CADM2: variants seen among roughly 807,000 people sequenced by gnomAD.
CADM2 encodes the protein cell adhesion molecule 2, also known as immunoglobulin superfamily member 4D.
In CADM2, 12 loss-of-function variants were observed where a neutral mutation model predicts 49.8. That is an observed-to-expected ratio of 0.24 (90% CI 0.15 to 0.39). The LOEUF (loss-of-function observed/expected upper bound fraction) is 0.39, where lower values mean the gene tolerates loss of function less well. Ranked by LOEUF, CADM2 falls within the 10% of genes least tolerant of loss-of-function variation. The probability of loss-of-function intolerance (pLI) is 1.00; values close to 1 mark genes in which losing one functional copy is unlikely to be tolerated. For missense variants in CADM2, 378 were observed against 492.3 expected, an observed-to-expected ratio of 0.77 and a Z score of 2.20; for synonymous variants, 214 against 175.4, an observed-to-expected ratio of 1.22 and a Z score of -1.74.
chr3:85,945,707 G>A (rs956174253), intron 7 of CADM2, among the ~76,000 whole-genome samples: 1 of 152,000 alleles, frequency 6.6e-6, no homozygotes, highest in African/African-American at 2.4e-5. Flanking sequence ...ATGCAGAAAA[G>A]GCCTTTGATA....
At chr3:85,822,058 C>A (rs1209446451) in intron 3 of CADM2, among the ~76,000 whole-genome samples, 1 of 152,066 alleles carries the variant, frequency 6.6e-6, no homozygotes, top group African/African-American at 2.4e-5. Context: ...TCATATACAT[C>A]AAATATTTAC....
At chr3:85,277,705 ACTTCT>A (rs1360289504) in intron 1 of CADM2, among the ~76,000 whole-genome samples, 2 of 151,360 alleles carry the variant, frequency 1.3e-5, no homozygotes, top group Non-Finnish European at 3.0e-5. Flanking sequence ...TTCTGGTGAG[ACTTCT>A]CTTATCTGTG....
At chr3:85,106,344 CA>C (rs2038226025) in intron 1 of CADM2, among the ~76,000 whole-genome samples, 2 of 152,098 alleles carry the variant, frequency 1.3e-5, no homozygotes, top group Non-Finnish European at 2.9e-5. Context: ...AATAGTAGCA[CA>C]AAAGGCAAAT....
chr3:85,840,495 T>A (rs1360239066), intron 3 of CADM2, among the ~76,000 whole-genome samples: 3 of 151,896 alleles, frequency 2.0e-5, no homozygotes, highest in South Asian at 2.1e-4. Context: ...ATTGTATAAT[T>A]TTACTTTCAG....
intron 1 of CADM2, among the ~76,000 whole-genome samples, chr3:85,107,660 TTTCC>T (rs1241363073): frequency 2.3e-4 from 34 of 150,630 alleles, no homozygotes; most frequent in African/African-American, 6.8e-4. Flanking sequence ...TCTTTCTTTT[TTTCC>T]TTCCTTCCTT....
rs141100878 is a variant in CADM2, at chr3:85,833,871, T to G, written c.238+31675T>G. Among the ~76,000 whole-genome samples the G allele has an allele frequency of 5.0e-4, 76 of 151,776 alleles. 1 individual carries two copies. The East Asian group carries it at 0.014, about 29-fold the overall frequency. On this transcript the variant is annotated intron_variant, in intron 3 of 9. Transcript: ENST00000383699. ...GAGTCTTTTGTTGTTTCATATGATA[T>G]TTAGGTTTTTTTCCATCTGTTAAAA...
chr3:85,063,871 C>G (rs964865951), intron 1 of CADM2, among the ~76,000 whole-genome samples: 1 of 152,024 alleles, frequency 6.6e-6, no homozygotes, highest in Admixed American at 6.6e-5. Flanking sequence ...CCTGACAGCT[C>G]ACTCTAACGC....
At chr3:85,908,492 A>G (rs914501459) in intron 5 of CADM2, among the ~76,000 whole-genome samples, 2 of 151,852 alleles carry the variant, frequency 1.3e-5, no homozygotes, top group African/African-American at 4.8e-5. Context: ...TTACCAAGAA[A>G]TATTTAGGCA....
intron 1 of CADM2, among the ~76,000 whole-genome samples, chr3:85,521,670 A>G (rs1463888539): frequency 2.6e-5 from 4 of 152,192 alleles, no homozygotes; most frequent in Admixed American, 2.0e-4. Context: ...AAGATAACCA[A>G]TCTTCTGCAG....
chr3:85,315,018 C>T (rs1339382055), intron 1 of CADM2, among the ~76,000 whole-genome samples: 1 of 152,152 alleles, frequency 6.6e-6, no homozygotes, highest in African/African-American at 2.4e-5. Context: ...AAGTAGTTGG[C>T]AGGGCCATGC....
intron 1 of CADM2, among the ~76,000 whole-genome samples, chr3:85,343,669 C>G (rs1200686250): frequency 6.6e-6 from 1 of 152,118 alleles, no homozygotes; most frequent in Non-Finnish European, 1.5e-5. Flanking sequence ...GTAAGAAACA[C>G]AAGCCAATGC....
chr3:85,748,409 T>C (rs1391539259), intron 2 of CADM2, among the ~76,000 whole-genome samples: 1 of 152,114 alleles, frequency 6.6e-6, no homozygotes, highest in Non-Finnish European at 1.5e-5. Flanking sequence ...ATTGTCCTTA[T>C]GTCTCCTTTC....
At chr3:85,155,124 A>G (rs1274362537) in intron 1 of CADM2, among the ~76,000 whole-genome samples, 1 of 148,832 alleles carries the variant, frequency 6.7e-6, no homozygotes, top group Non-Finnish European at 1.5e-5. Context: ...TAAATGCTCC[A>G]ATTAAAAGAC....
chr3:85,027,954 T>A (rs2034808368), intron 1 of CADM2, among the ~76,000 whole-genome samples: 1 of 152,324 alleles, frequency 6.6e-6, no homozygotes, highest in African/African-American at 2.4e-5. Context: ...ACCATTTATA[T>A]GCATACAGAA....
At chr3:85,174,353 AT>A (rs2040716746) in intron 1 of CADM2, among the ~76,000 whole-genome samples, 1 of 151,904 alleles carries the variant, frequency 6.6e-6, no homozygotes, top group Non-Finnish European at 1.5e-5. Flanking sequence ...TTGTTTTTTA[AT>A]TTGCTTTTTA....
At chr3:85,402,242 A>G (rs1304187719) in intron 1 of CADM2, among the ~76,000 whole-genome samples, 1 of 152,046 alleles carries the variant, frequency 6.6e-6, no homozygotes, top group African/African-American at 2.4e-5. Flanking sequence ...AAAAACAAAG[A>G]TCTGTTTAGA....
At chr3:85,098,457 C>CA (rs1457487772) in intron 1 of CADM2, among the ~76,000 whole-genome samples, 5 of 151,998 alleles carry the variant, frequency 3.3e-5, no homozygotes, top group Admixed American at 6.6e-5. Flanking sequence ...ACCTTAGTTT[C>CA]AAAATCAATT....
chr3:85,178,948 T>C (rs896961295), intron 1 of CADM2, among the ~76,000 whole-genome samples: 1 of 151,920 alleles, frequency 6.6e-6, no homozygotes, highest in African/African-American at 2.4e-5. Context: ...AAAATAAAAC[T>C]TAAAATTATA....
intron 1 of CADM2, among the ~76,000 whole-genome samples, chr3:85,380,876 GT>G (rs1305682605): frequency 6.6e-6 from 1 of 151,992 alleles, no homozygotes; most frequent in Non-Finnish European, 1.5e-5. Flanking sequence ...ATTAAAGGAA[GT>G]TAAAATAGCA....
Sources: gnomAD v4.1 joint callset for allele counts (sites outside exome capture counted in the v4.1 genomes callset) on GRCh38, gnomAD v4.1.1 for gene constraint, MANE v1.5 for transcripts, NCBI Gene and HGNC (gene_info 2026-07-23, HGNC 2026-07-21) for gene names.